KDM6A: variants seen among roughly 807,000 people sequenced by gnomAD.
The protein encoded by KDM6A is lysine demethylase 6A.
In KDM6A, 11 loss-of-function variants were observed where a neutral mutation model predicts 117.6. The observed-to-expected ratio is 0.09, with a 90% CI of 0.06 to 0.15. The LOEUF is 0.15. Among genes scored for constraint, KDM6A ranks in the 10% least tolerant of loss-of-function variants. The pLI, the probability that KDM6A is intolerant of heterozygous loss-of-function variation, is 1.00. For synonymous variants in KDM6A, 384 were observed against 396.1 expected (o/e 0.97, Z 0.36); for missense variants, 799 against 1,077.3 (o/e 0.74, Z 3.62).
At chrX:44,989,266 G>T (rs148641866) in intron 4 of KDM6A, among the ~76,000 whole-genome samples, 1,405 of 101,627 alleles carry the variant, frequency 0.014, 12 homozygotes, top group African/African-American at 0.047. Flanking sequence ...CAGTATTAGG[G>T]TGGGAGTGAC....
At chrX:44,904,975 A>C (rs1186264718) in intron 2 of KDM6A, among the ~76,000 whole-genome samples, 1 of 112,093 alleles carries the variant, frequency 8.9e-6, no homozygotes, top group African/African-American at 3.2e-5. Flanking sequence ...ATGGGAGAGG[A>C]ATTGTTAGAG....
chrX:45,068,525 T>C (rs1258146172), intron 17 of KDM6A, among the ~76,000 whole-genome samples: 1 of 103,062 alleles, frequency 9.7e-6, no homozygotes, highest in African/African-American at 3.6e-5. Context: ...AAGTCATTAG[T>C]GGAGACTTAA....
intron 27 of KDM6A, among the ~76,000 whole-genome samples, chrX:45,104,147 C>T (rs375889161): frequency 1.5e-4 from 17 of 110,604 alleles, no homozygotes; most frequent in East Asian, 1.1e-3. Context: ...GCCTCAGCCT[C>T]CCCAGTAGCT....
intron 5 of KDM6A, among the ~76,000 whole-genome samples, chrX:45,012,394 A>C (rs958374525): frequency 9.3e-6 from 1 of 108,009 alleles, no homozygotes; most frequent in Non-Finnish European, 1.9e-5. Flanking sequence ...GTAGAGACGG[A>C]GTTTTACCAT....
At chrX:44,874,352 T>TA (rs1406832800) in intron 2 of KDM6A, among the ~76,000 whole-genome samples, 4 of 111,578 alleles carry the variant, frequency 3.6e-5, no homozygotes, top group Non-Finnish European at 5.6e-5. Flanking sequence ...ATTTCGGACT[T>TA]AACTTGCCTC....
chrX:44,999,621 A>G (rs748424160), intron 4 of KDM6A, among the ~76,000 whole-genome samples: 42 of 112,142 alleles, frequency 3.7e-4, no homozygotes, highest in Admixed American at 2.2e-3. Context: ...TGACATATTG[A>G]TTCTTTGAAA....
chrX:44,987,025 A>G (rs2040264934), intron 4 of KDM6A, among the ~76,000 whole-genome samples: 1 of 111,299 alleles, frequency 9.0e-6, no homozygotes, highest in Admixed American at 9.5e-5. Context: ...AAAGTCTCCC[A>G]TTATCATTGT....
intron 28 of KDM6A, among the ~76,000 whole-genome samples, chrX:45,108,152 T>C (rs2046601857): frequency 8.9e-6 from 1 of 111,766 alleles, no homozygotes; most frequent in South Asian, 3.8e-4. Context: ...CGTATTAGCA[T>C]TTGAGTCCAT....
intron 6 of KDM6A, among the ~76,000 whole-genome samples, chrX:45,028,931 G>C (rs749729284): frequency 8.9e-6 from 1 of 112,359 alleles, no homozygotes; most frequent in Admixed American, 9.5e-5. Flanking sequence ...TCATATATGT[G>C]CAGTAACACC....
chrX:44,994,015 A>G (rs2040748505), intron 4 of KDM6A, among the ~76,000 whole-genome samples: 2 of 111,822 alleles, frequency 1.8e-5, no homozygotes, highest in Admixed American at 1.9e-4. Flanking sequence ...CCTGTGTTCC[A>G]TTTTATTTTT....
chrX:44,949,367 C>A (rs2147093591), intron 2 of KDM6A, among the ~76,000 whole-genome samples: 1 of 111,918 alleles, frequency 8.9e-6, no homozygotes, highest in South Asian at 3.7e-4. Flanking sequence ...TGCACCCTAG[C>A]CTCGGTGACA....
chrX:44,951,210 C>T (rs1259278108), intron 2 of KDM6A, among the ~76,000 whole-genome samples: 1 of 111,613 alleles, frequency 9.0e-6, no homozygotes, highest in African/African-American at 3.3e-5. Context: ...AATTGCTTTG[C>T]TAAGAATCCT....
intron 27 of KDM6A, among the ~76,000 whole-genome samples, chrX:45,105,055 C>T (rs1204970552): frequency 9.0e-6 from 1 of 111,454 alleles, no homozygotes; most frequent in African/African-American, 3.3e-5. Flanking sequence ...CCTGATACTC[C>T]ATAGAACCAA....
At chrX:45,039,503 A>ATTTTTT (rs756202597) in intron 8 of KDM6A, among the ~76,000 whole-genome samples, 4 of 61,254 alleles carry the variant, frequency 6.5e-5, no homozygotes, top group East Asian at 1.5e-3. Context: ...TCATTTGATA[A>ATTTTTT]TTTTTTTTTT....
chrX:45,073,010 T>C (rs1296770217), intron 18 of KDM6A, among the ~76,000 whole-genome samples: 2 of 109,521 alleles, frequency 1.8e-5, no homozygotes, highest in Non-Finnish European at 3.8e-5. Context: ...CTCCCAATGC[T>C]ATCCCTCCCC....
chrX:45,083,460 G>A lies in KDM6A; in HGVS notation c.3441G>A (p.Lys1147=). ...CTTTTGATGTGTTATTTTATTGCAG[G>A]TGGAAGTTGCAGCTACATGAGCTGA... ...GTNIDLSDDK[K]WKLQLHELTK... is the part of the protein sequence containing the mutation. The change falls in exon 24 of 30, where the codon AAG becomes AAA. Residue 1147 remains lysine, a splice_region_variant and synonymous_variant. Coordinates refer to ENST00000611820, the MANE Select transcript of KDM6A (RefSeq NM_001291415.2). The A allele has an allele frequency of 8.3e-7, 1 of 1,208,663 alleles. No individual in the cohort carries two copies. Among genetic ancestry groups the A allele is most frequent in the Non-Finnish European group, 1.1e-6 (1 of 893,232 alleles).
chrX:45,032,611 C>G (rs765527825), intron 6 of KDM6A, among the ~76,000 whole-genome samples: 1 of 111,085 alleles, frequency 9.0e-6, no homozygotes, highest in East Asian at 2.8e-4. Context: ...GCCACCATGC[C>G]GGCTAATTTT....
intron 12 of KDM6A, 82 bp from the exon 13 acceptor site, chrX:45,059,940 A>C: frequency 8.7e-7 from 1 of 1,153,252 alleles, no homozygotes; most frequent in Non-Finnish European, 1.2e-6. Flanking sequence ...ACAATTAGCT[A>C]TAGCATTTAG....
intron 4 of KDM6A, among the ~76,000 whole-genome samples, chrX:44,981,106 T>C (rs1212905642): frequency 1.8e-5 from 2 of 111,521 alleles, no homozygotes; most frequent in African/African-American, 6.5e-5. Flanking sequence ...TCCCCCTGCA[T>C]ACCTGGCAAG....
Sources: gnomAD v4.1 joint callset for allele counts (sites outside exome capture counted in the v4.1 genomes callset) on GRCh38, gnomAD v4.1.1 for gene constraint, MANE v1.5 for transcripts, NCBI Gene and HGNC (gene_info 2026-07-23, HGNC 2026-07-21) for gene names.